TLN2: variants seen among roughly 807,000 people sequenced by gnomAD.
The protein encoded by TLN2 is talin 2.
In TLN2, 118 loss-of-function variants were observed where a neutral mutation model predicts 294.7. That is an observed-to-expected ratio of 0.40 (90% CI 0.34 to 0.47). TLN2 has a LOEUF of 0.47. Ranked by LOEUF, TLN2 falls within the 20% of genes least tolerant of loss-of-function variation. The probability of loss-of-function intolerance (pLI) is 0.84; values close to 1 mark genes in which losing one functional copy is unlikely to be tolerated. For synonymous variants in TLN2, 1,431 were observed against 1,304.5 expected (o/e 1.10, Z -2.09); for missense variants, 3,083 against 3,282.2 (o/e 0.94, Z 1.48).
intron 1 of TLN2, among the ~76,000 whole-genome samples, chr15:62,566,955 C>T (rs888977495): frequency 2.0e-5 from 3 of 152,142 alleles, no homozygotes; most frequent in African/African-American, 7.2e-5. Flanking sequence ...GCAAAATACC[C>T]ATAGCCCCCA....
At chr15:62,528,400 G>GAC (rs3055757) in intron 1 of TLN2, among the ~76,000 whole-genome samples, 65,477 of 151,806 alleles carry the variant, frequency 0.43, 14,331 homozygotes, top group East Asian at 0.55. Context: ...AGAGGAAGGA[G>GAC]ACGGAGTAGG....
At chr15:62,636,086 T>TA (rs2050354469) in intron 3 of TLN2, among the ~76,000 whole-genome samples, 1 of 152,156 alleles carries the variant, frequency 6.6e-6, no homozygotes, top group Non-Finnish European at 1.5e-5. Context: ...CGTAATCACT[T>TA]ACATGTGTTA....
At chr15:62,679,100 G>A (rs181053998) in intron 11 of TLN2, among the ~76,000 whole-genome samples, 252 of 150,354 alleles carry the variant, frequency 1.7e-3, no homozygotes, top group Non-Finnish European at 3.2e-3. Flanking sequence ...AAACTAACTC[G>A]GAATCAAAAA....
At chr15:62,652,749 G>A (rs560596409) in intron 6 of TLN2, among the ~76,000 whole-genome samples, 18 of 152,134 alleles carry the variant, frequency 1.2e-4, no homozygotes, top group Middle Eastern at 3.4e-3. Context: ...TCTACTATAC[G>A]CGTGACTTCT....
intron 43 of TLN2, 47 bp from the exon 44 acceptor site, chr15:62,781,093 T>C: frequency 7.0e-7 from 1 of 1,432,020 alleles, no homozygotes; most frequent in Admixed American, 1.7e-5. Context: ...AGTCTACACT[T>C]CAGCAGGCTT....
At chr15:62,629,241 C>G (rs975292917) in intron 3 of TLN2, among the ~76,000 whole-genome samples, 1 of 152,154 alleles carries the variant, frequency 6.6e-6, no homozygotes, top group Non-Finnish European at 1.5e-5. Context: ...TTCATTTAGG[C>G]TCTGCCACTT....
chr15:62,740,877 G>A (rs1171265212), intron 32 of TLN2, 108 bp downstream of exon 32: 6 of 1,432,012 alleles, frequency 4.2e-6, no homozygotes, highest in South Asian at 2.7e-5. Flanking sequence ...AATTGGTGCT[G>A]TCCTTAGGTC....
At chr15:62,473,619 C>G (rs1276969760) in intron 1 of TLN2, among the ~76,000 whole-genome samples, 3 of 152,124 alleles carry the variant, frequency 2.0e-5, no homozygotes, top group Non-Finnish European at 2.9e-5. Context: ...AGGGAAGGTT[C>G]CTACTGAAAA....
At chr15:62,738,403 T>G (rs1262389145) in intron 30 of TLN2, 70 bp downstream of exon 30, 1 of 1,543,942 alleles carries the variant, frequency 6.5e-7, no homozygotes, top group African/African-American at 1.4e-5. Flanking sequence ...TGAAGTCTTC[T>G]TCTCTCCATG....
At chr15:62,430,375 C>T (rs2034948653) in intron 1 of TLN2, among the ~76,000 whole-genome samples, 1 of 152,200 alleles carries the variant, frequency 6.6e-6, no homozygotes, top group South Asian at 2.1e-4. Context: ...AAAACAATTA[C>T]AACTGTTATT....
intron 57 of TLN2, among the ~76,000 whole-genome samples, chr15:62,836,695 G>C (rs1408051726): frequency 1.3e-5 from 2 of 152,058 alleles, no homozygotes; most frequent in African/African-American, 4.8e-5. Context: ...TTTCCTGATT[G>C]CTTTAATTAT....
intron 1 of TLN2, among the ~76,000 whole-genome samples, chr15:62,442,936 C>T (rs1350100297): frequency 6.6e-6 from 1 of 152,186 alleles, no homozygotes; most frequent in African/African-American, 2.4e-5. Context: ...GTCCTATCTT[C>T]CGTCTTCCGA....
intron 1 of TLN2, among the ~76,000 whole-genome samples, chr15:62,462,944 A>C (rs1299915719): frequency 1.3e-5 from 2 of 152,178 alleles, no homozygotes; most frequent in Non-Finnish European, 2.9e-5. Flanking sequence ...ATGTGGAAGG[A>C]GACACTAAGG....
At chr15:62,404,916 A>G (rs2033296205) in intron 1 of TLN2, among the ~76,000 whole-genome samples, 1 of 152,214 alleles carries the variant, frequency 6.6e-6, no homozygotes, top group African/African-American at 2.4e-5. Context: ...TGGTACACTC[A>G]AGAAGACAGG....
intron 47 of TLN2, 88 bp from the exon 48 acceptor site, chr15:62,797,131 C>T (rs2065545142): frequency 6.9e-7 from 1 of 1,443,476 alleles, no homozygotes. Flanking sequence ...TAACAAAAGC[C>T]CCATGTGAGG....
chr15:62,394,697 G>T (rs941437281), intron 1 of TLN2, among the ~76,000 whole-genome samples: 1 of 152,178 alleles, frequency 6.6e-6, no homozygotes, highest in Non-Finnish European at 1.5e-5. Flanking sequence ...CTGGAGAAAG[G>T]CAAAGAAGTC....
intron 1 of TLN2, among the ~76,000 whole-genome samples, chr15:62,399,003 C>T (rs1196855454): frequency 1.3e-5 from 2 of 152,052 alleles, no homozygotes; most frequent in Non-Finnish European, 1.5e-5. Context: ...TGTGTGCAGC[C>T]TTGGGACTTG....
chr15:62,627,546 T>C (rs2049388061), intron 3 of TLN2, among the ~76,000 whole-genome samples: 1 of 152,246 alleles, frequency 6.6e-6, no homozygotes, highest in Admixed American at 6.5e-5. Flanking sequence ...TTGTGAAATG[T>C]TGATTTGTGC....
At chr15:62,482,824 C>G (rs1290142475) in intron 1 of TLN2, among the ~76,000 whole-genome samples, 1 of 152,112 alleles carries the variant, frequency 6.6e-6, no homozygotes, top group Non-Finnish European at 1.5e-5. Context: ...AATTTCTGGT[C>G]TTGTGGTTCA....
Sources: gnomAD v4.1 joint callset for allele counts (sites outside exome capture counted in the v4.1 genomes callset) on GRCh38, gnomAD v4.1.1 for gene constraint, MANE v1.5 for transcripts, NCBI Gene and HGNC (gene_info 2026-07-23, HGNC 2026-07-21) for gene names.